Variants in SORBS2 observed in about 807,000 individuals in gnomAD.
SORBS2 encodes the protein sorbin and SH3 domain-containing protein 2.
SORBS2 carries 46 observed loss-of-function variants against 97.7 expected under a neutral mutation model. That is an observed-to-expected ratio of 0.47 (90% CI 0.37 to 0.60). The LOEUF is 0.60. Ranked by LOEUF, SORBS2 falls within the 20% of genes least tolerant of loss-of-function variation. The pLI, the probability that SORBS2 is intolerant of heterozygous loss-of-function variation, is 0.00. For synonymous variants in SORBS2, 476 were observed against 473.4 expected, an observed-to-expected ratio of 1.01 and a Z score of -0.07; for missense variants, 1,316 against 1,282.3, an observed-to-expected ratio of 1.03 and a Z score of -0.40.
intron 4 of SORBS2, chr4:185,677,687 C>CA: frequency 7.1e-7 from 1 of 1,407,480 alleles, no homozygotes; most frequent in Non-Finnish European, 9.3e-7. Flanking sequence ...GAAAGAAAAA[C>CA]AGAGAAAGTC....
intron 1 of SORBS2, among the ~76,000 whole-genome samples, chr4:185,902,296 A>G (rs562946288): frequency 1.3e-4 from 20 of 152,240 alleles, no homozygotes; most frequent in African/African-American, 4.3e-4. Flanking sequence ...TTTTATTTAT[A>G]TATTTTCTAG....
intron 2 of SORBS2, among the ~76,000 whole-genome samples, chr4:185,702,416 A>C (rs1161807001): frequency 6.6e-6 from 1 of 152,214 alleles, no homozygotes; most frequent in Admixed American, 6.5e-5. Flanking sequence ...GAATAGAGCA[A>C]GAACTCACTC....
chr4:185,845,347 A>G (rs1313094463), intron 1 of SORBS2, among the ~76,000 whole-genome samples: 1 of 152,158 alleles, frequency 6.6e-6, no homozygotes, highest in Non-Finnish European at 1.5e-5. Context: ...GTAGATAGTG[A>G]TGTTGGTTTT....
intron 4 of SORBS2, among the ~76,000 whole-genome samples, chr4:185,665,421 A>T (rs1043591834): frequency 2.0e-5 from 3 of 152,262 alleles, no homozygotes; most frequent in Non-Finnish European, 4.4e-5. Flanking sequence ...TTATGATCAC[A>T]ACATATTGTG....
Position 185,798,429 on chromosome 4 carries a change from C to T in SORBS2, c.-337-23063G>A, listed in dbSNP as rs80008588. On this transcript the variant is annotated intron_variant, in intron 1 of 20. Coordinates refer to the SORBS2 transcript ENST00000284776. Reference sequence around the variant, plus strand: ...TTTAGGCCAGTCAAATCCTGTATTACCGTTTTAAACAAAGAAAAAAAGATT... The same window carrying T: ...TTTAGGCCAGTCAAATCCTGTATTATCGTTTTAAACAAAGAAAAAAAGATT... Among the ~76,000 whole-genome samples, 607 of 152,142 alleles carry T rather than the reference C, an allele frequency of 4.0e-3. 2 individuals carry two copies. Among genetic ancestry groups the T allele is most frequent in the African/African-American group, 0.014 (585 of 41,492 alleles).
At position 185,753,385 on chromosome 4, in the gene SORBS2, C is replaced by T. The variant is rs370656176; in HGVS notation, c.-198+21842G>A. On this transcript the variant is annotated intron_variant, in intron 2 of 20. Transcript: ENST00000284776. Reference sequence around the variant, plus strand: ...TTGCATAAGGATTCAATGCAAAATACTTTGTAAAAAGAAATTTTAACTTCC... The same window carrying T: ...TTGCATAAGGATTCAATGCAAAATATTTTGTAAAAAGAAATTTTAACTTCC... 3.4e-4 allele frequency among the ~76,000 whole-genome samples: 51 copies of T among 152,184 alleles called. 1 individual carries two copies. Among genetic ancestry groups the T allele is most frequent in the African/African-American group, 1.2e-3 (48 of 41,516 alleles).
At chr4:185,893,675 C>T (rs1202698157) in intron 1 of SORBS2, among the ~76,000 whole-genome samples, 6 of 152,184 alleles carry the variant, frequency 3.9e-5, no homozygotes, top group African/African-American at 1.4e-4. Context: ...AAAGGGTCAG[C>T]TGACTGAAGT....
chr4:185,638,182 A>G lies in SORBS2; in HGVS notation c.397-7584T>C. 1 of 1,490,400 alleles carries G rather than the reference A, an allele frequency of 6.7e-7. No homozygotes were observed. 92.3% of individuals were successfully genotyped at this position (1,490,400 alleles called of 1,614,324 possible). On this transcript the variant is annotated intron_variant, in intron 4 of 14. Coordinates refer to ENST00000418609, the Ensembl canonical transcript of SORBS2. The stretch of plus-strand genomic sequence containing the variant: ...ATCAGTCTAGAGCAGATGTGAAGGA[A>G]AAGGGAAGGAAAAGGCACACTGAGC...
At chr4:185,605,179 G>T (rs1437705809) in intron 12 of SORBS2, among the ~76,000 whole-genome samples, 1 of 152,132 alleles carries the variant, frequency 6.6e-6, no homozygotes, top group Non-Finnish European at 1.5e-5. Flanking sequence ...AATTTGACTT[G>T]GATAGTAGCG....
intron 1 of SORBS2, among the ~76,000 whole-genome samples, chr4:185,939,470 C>CAGG (rs796117146): frequency 7.9e-5 from 12 of 152,308 alleles, no homozygotes; most frequent in African/African-American, 2.6e-4. Context: ...TTCTCCTTCC[C>CAGG]AGGAACAGTT....
Position 185,901,347 on chromosome 4 carries a change from C to T in SORBS2, c.-338+54849G>A, listed in dbSNP as rs1017414176. 2.0e-5 allele frequency among the ~76,000 whole-genome samples: 3 copies of T among 152,154 alleles called. No individual in the cohort carries two copies. The East Asian group carries it at 5.8e-4, about 29-fold the overall frequency. ...CCTCATGAGTGGCTGGGATTACAGG[C>T]ATGTGCCACCACGGTCGGCTAATTT... On this transcript the variant is annotated intron_variant, in intron 1 of 20. Transcript: ENST00000284776.
Position 185,620,047 on chromosome 4 carries a change from C to T in SORBS2, c.2304+16G>A, listed in dbSNP as rs367696908. 17 of 1,494,262 alleles carry T rather than the reference C, an allele frequency of 1.1e-5. No individual in the cohort carries two copies. Among genetic ancestry groups the T allele is most frequent in the Admixed American group, 8.4e-5 (5 of 59,874 alleles). The allele number at this position is 1,494,262 out of a possible 1,614,324, so 92.6% of individuals were successfully genotyped here. ...TGTGTTGCTGTGAAAGACTCCAATGCTATTAAATTAACTACCTCTTTTTCT... is the reference window on the plus strand; with the variant it reads ...TGTGTTGCTGTGAAAGACTCCAATGTTATTAAATTAACTACCTCTTTTTCT... On this transcript the variant is annotated intron_variant, in intron 8 of 14. Transcript: ENST00000418609.
chr4:185,626,912 C>T lies in SORBS2; in HGVS notation c.554G>A (p.Arg185Gln), dbSNP rs376521033. ...GGTGCTTGATCCTGGGAGGTCCACT[C>T]GGCCTGGGCTAGTCCTGCTCGCACT... The change falls in exon 6 of 15, where the codon CGA (arginine) becomes CAA (glutamine). Residue 185 changes from arginine (R) to glutamine (Q), a missense_variant. By Grantham distance (43) the Arg-to-Gln change is conservative (BLOSUM62 1). Coordinates refer to ENST00000418609, the Ensembl canonical transcript of SORBS2. 105 of 1,614,226 alleles carry T rather than the reference C, an allele frequency of 6.5e-5. 1 individual carries two copies. The highest frequency in any genetic ancestry group is 6.0e-4 in the South Asian group (55 of 91,088).
intron 1 of SORBS2, among the ~76,000 whole-genome samples, chr4:185,837,751 A>C (rs1474872797): frequency 6.6e-6 from 1 of 152,176 alleles, no homozygotes; most frequent in African/African-American, 2.4e-5. Context: ...TAAAGTATTA[A>C]AATCATAAAT....
intron 2 of SORBS2, among the ~76,000 whole-genome samples, chr4:185,732,285 T>G (rs113417919): frequency 6.6e-6 from 1 of 152,230 alleles, no homozygotes; most frequent in East Asian, 1.9e-4. Context: ...ATAATCTCAA[T>G]AGCATGTGTG....
At chr4:185,796,979 C>T (rs1046017253) in intron 1 of SORBS2, among the ~76,000 whole-genome samples, 1 of 152,052 alleles carries the variant, frequency 6.6e-6, no homozygotes, top group Non-Finnish European at 1.5e-5. Flanking sequence ...CGCTATTATT[C>T]CCTGGTCACA....
At position 185,627,033 on chromosome 4, in the gene SORBS2, T is replaced by C; in HGVS notation, c.447-14A>G. Reference sequence around the variant, plus strand: ...ATGCTTGCAGAACTGAAAGAAGGAATCAGATCTGTTTGATTGGCACTGGAG... The same window carrying C: ...ATGCTTGCAGAACTGAAAGAAGGAACCAGATCTGTTTGATTGGCACTGGAG... On this transcript the variant is annotated splice_polypyrimidine_tract_variant and intron_variant, in intron 5 of 14. Coordinates refer to ENST00000418609, the Ensembl canonical transcript of SORBS2. The C allele has an allele frequency of 3.1e-6, 5 of 1,613,464 alleles. No individual in the cohort carries two copies. Among genetic ancestry groups the C allele is most frequent in the Non-Finnish European group, 4.2e-6 (5 of 1,179,854 alleles).
At chr4:185,603,088 T>C (rs2096304778) in intron 12 of SORBS2, among the ~76,000 whole-genome samples, 2 of 152,210 alleles carry the variant, frequency 1.3e-5, no homozygotes, top group African/African-American at 4.8e-5. Flanking sequence ...TTAAAGAATA[T>C]ACGAGAAGAA....
chr4:185,881,631 G>A (rs1035891934), intron 1 of SORBS2, among the ~76,000 whole-genome samples: 1 of 152,100 alleles, frequency 6.6e-6, no homozygotes, highest in Non-Finnish European at 1.5e-5. Flanking sequence ...GATGAAATCC[G>A]GTGAAATATG....
Sources: gnomAD v4.1 joint callset for allele counts (sites outside exome capture counted in the v4.1 genomes callset) on GRCh38, gnomAD v4.1.1 for gene constraint, MANE v1.5 for transcripts, NCBI Gene and HGNC (gene_info 2026-07-23, HGNC 2026-07-21) for gene names.